The following PTDSS2 variants were observed in gnomAD, a reference collection of about 807,000 sequenced individuals.
PTDSS2 encodes PSS-2.
In PTDSS2, 41 loss-of-function variants were observed where a neutral mutation model predicts 64.7. The ratio of observed to expected loss-of-function variants is 0.63; its 90% CI spans 0.49 to 0.82. PTDSS2 has a LOEUF of 0.82. Among genes scored for constraint, PTDSS2 ranks in the 40% least tolerant of loss-of-function variants. The probability of loss-of-function intolerance (pLI) is 0.00; values close to 1 mark genes in which losing one functional copy is unlikely to be tolerated. For synonymous variants in PTDSS2, 297 were observed against 277.8 expected, an observed-to-expected ratio of 1.07 and a Z score of -0.69; for missense variants, 485 against 650.0, an observed-to-expected ratio of 0.75 and a Z score of 2.76.
chr11:473,762 C>T (rs1590650643), intron 2 of PTDSS2, 133 bp from the exon 3 acceptor site: 2 of 728,578 alleles, frequency 2.7e-6, no homozygotes, highest in East Asian at 2.6e-5. Context: ...CCCAGCTCTG[C>T]CCGAGGCCCC....
intron 3 of PTDSS2, among the ~76,000 whole-genome samples, chr11:478,330 G>A (rs896869919): frequency 5.3e-5 from 8 of 151,488 alleles, no homozygotes; most frequent in South Asian, 2.1e-4. Flanking sequence ...GTGGTGGCAC[G>A]TACCTGTGGT....
At chr11:486,526 G>A (rs1014116661) in intron 4 of PTDSS2, among the ~76,000 whole-genome samples, 1 of 152,176 alleles carries the variant, frequency 6.6e-6, no homozygotes, top group Non-Finnish European at 1.5e-5. Context: ...CCTCCTCCAG[G>A]GTGACTGAGA....
In PTDSS2 at chr11:460,205, C is replaced by T. The variant is rs143983958; in HGVS notation, c.201C>T (p.Thr67=). 44 of 1,614,178 alleles carry T rather than the reference C, an allele frequency of 2.7e-5. 1 individual carries two copies. Among genetic ancestry groups the T allele is most frequent in the African/African-American group, 5.3e-5 (4 of 75,042 alleles). Residue 67 remains threonine, a synonymous_variant, in exon 2 of 12, where the codon ACC becomes ACT. Transcript: ENST00000308020. This position sits in a 1 kb window ranked among gnomAD's most constrained non-coding sequence, Gnocchi z 5.8. ...NTFFWRAHTL[T]VLFILTCTLG... ...ATTTCAGGCGAGCCCACACCTTAAC[C>T]GTGCTCTTCATCCTCACCTGTACGC...
chr11:458,507 ATTT>A (rs3082636), intron 1 of PTDSS2, among the ~76,000 whole-genome samples: 2,376 of 93,860 alleles, frequency 0.025, 44 homozygotes, highest in African/African-American at 0.1. Context: ...GCCTGGCCTG[ATTT>A]TTTTTTTTTT....
intron 2 of PTDSS2, among the ~76,000 whole-genome samples, chr11:465,507 C>T (rs1847102510): frequency 1.3e-5 from 2 of 152,048 alleles, no homozygotes; most frequent in Non-Finnish European, 2.9e-5. Flanking sequence ...CATGCTCAGC[C>T]ACAATTATAA....
rs1407870327 is a variant in PTDSS2 at position 461,418 on chromosome 11, TG to T, written c.284+1135del. 6.6e-6 allele frequency among the ~76,000 whole-genome samples: 1 copy of T among 152,126 alleles called. No individual in the cohort carries two copies. The highest frequency in any genetic ancestry group is 6.5e-5 in the Admixed American group (1 of 15,276). On this transcript the variant is annotated intron_variant, in intron 2 of 11. Transcript: ENST00000308020. The surrounding 1 kb of genome is among the most constrained non-coding windows in gnomAD (Gnocchi z 4.2). ...GACCTCATAACTGAGTCCATCTCCC[TG>T]GGGGCAGTGGGGCATTTCTGGTTAG...
Position 461,897 on chromosome 11 carries a change from G to A in PTDSS2, c.284+1609G>A, listed in dbSNP as rs1846904180. On this transcript the variant is annotated intron_variant, in intron 2 of 11. Coordinates refer to ENST00000308020, the MANE Select transcript of PTDSS2 (RefSeq NM_030783.3). This position sits in a 1 kb window ranked among gnomAD's most constrained non-coding sequence, Gnocchi z 4.2. ...TGGCTCTGGAGGCAGTGAGGCAGTG[G>A]GCAGGAGCCCCGTGTGTGCCTAGAG... 6.6e-6 allele frequency among the ~76,000 whole-genome samples: 1 copy of A among 152,180 alleles called. No individual in the cohort carries two copies. The highest frequency in any genetic ancestry group is 1.5e-5 in the Non-Finnish European group (1 of 68,008).
chr11:453,705 T>C (rs1424236053), intron 1 of PTDSS2, among the ~76,000 whole-genome samples: 1 of 152,236 alleles, frequency 6.6e-6, no homozygotes, highest in Non-Finnish European at 1.5e-5. Flanking sequence ...CAGGAGCCTC[T>C]CGCAGGCCTT....
At chr11:480,548 G>A (rs560608249) in intron 4 of PTDSS2, 37 of 158,992 alleles carry the variant, frequency 2.3e-4, no homozygotes, top group Non-Finnish European at 4.6e-4. Flanking sequence ...GTCTTCCTGC[G>A]CTCCTCTTTC....
intron 5 of PTDSS2, 50 bp from the exon 6 acceptor site, chr11:487,370 G>C (rs370157937): frequency 1.2e-5 from 18 of 1,547,264 alleles, no homozygotes; most frequent in Non-Finnish European, 5.4e-6. Context: ...GGTGTGGGGA[G>C]TGGGGGTGGC....
chr11:484,763 G>C (rs554685722), intron 4 of PTDSS2, among the ~76,000 whole-genome samples: 1 of 142,050 alleles, frequency 7.0e-6, no homozygotes, highest in South Asian at 2.2e-4. Context: ...GAGTGTAAGT[G>C]CACGGGTGTG....
At chr11:450,076 G>A (rs1846244044), upstream of PTDSS2, among the ~76,000 whole-genome samples, 1 of 152,178 alleles carries the variant, frequency 6.6e-6, no homozygotes, top group Admixed American at 6.5e-5. Flanking sequence ...CCAGGCCGCC[G>A]GGGATGTCTG....
chr11:487,411 C>T lies in PTDSS2; in HGVS notation c.571-9C>T, dbSNP rs185424134. The T allele has an allele frequency of 3.2e-5, 51 of 1,613,676 alleles. No individual in the cohort carries two copies. Among genetic ancestry groups the T allele is most frequent in the East Asian group, 1.8e-4 (8 of 44,880 alleles). On this transcript the variant is annotated splice_polypyrimidine_tract_variant and intron_variant, in intron 5 of 11. Transcript: ENST00000308020. ...CCCAGGGTCAAGGGTCATACCCTGT[C>T]GCCCACAGGACAAGTTGGATGGCTT...
At chr11:466,900 C>T (rs1847172230) in intron 2 of PTDSS2, among the ~76,000 whole-genome samples, 1 of 152,068 alleles carries the variant, frequency 6.6e-6, no homozygotes, top group South Asian at 2.1e-4. Context: ...ACAAAAAATA[C>T]AAAAATTAGC....
intron 1 of PTDSS2, among the ~76,000 whole-genome samples, chr11:456,170 CTTT>C (rs71022912): frequency 2.1e-4 from 24 of 114,880 alleles, no homozygotes; most frequent in Non-Finnish European, 2.8e-4. Context: ...TTCTTTCATT[CTTT>C]TTTTTTTTTT....
At chr11:489,312 G>T (rs1013477422) in intron 8 of PTDSS2, 88 bp from the exon 9 acceptor site, 3 of 1,125,834 alleles carry the variant, frequency 2.7e-6, no homozygotes, top group Non-Finnish European at 3.9e-6. Flanking sequence ...GGGCGGGGCC[G>T]GGTGACCAGG....
intron 3 of PTDSS2, among the ~76,000 whole-genome samples, chr11:477,642 A>G (rs1288393937): frequency 1.3e-5 from 2 of 152,216 alleles, no homozygotes; most frequent in African/African-American, 4.8e-5. Flanking sequence ...GAGGGAAGTT[A>G]GTACTGGTCG....
In PTDSS2 at chr11:489,742, T is replaced by C; in HGVS notation, c.1115+9T>C. ...GACTTCATGGATGACCCGTGAGGGC[T>C]GCGGCAGTCCGGGTGGAGACACCCC... On this transcript the variant is annotated intron_variant, in intron 10 of 11. Coordinates refer to ENST00000308020, the MANE Select transcript of PTDSS2 (RefSeq NM_030783.3). The C allele has an allele frequency of 6.2e-7, 1 of 1,607,118 alleles. No individual in the cohort carries two copies.
intron 2 of PTDSS2, among the ~76,000 whole-genome samples, chr11:471,567 C>T (rs1025196615): frequency 4.0e-5 from 6 of 148,964 alleles, no homozygotes; most frequent in African/African-American, 7.4e-5. Context: ...GCACGCCTGT[C>T]GGGCGGAGGG....
Sources: gnomAD v4.1 joint callset for allele counts (sites outside exome capture counted in the v4.1 genomes callset) on GRCh38, gnomAD v4.1.1 for gene constraint, Gnocchi (gnomAD v3.1) non-coding constraint, MANE v1.5 for transcripts, NCBI Gene and HGNC (gene_info 2026-07-23, HGNC 2026-07-21) for gene names.